RAD51B: variants seen among roughly 807,000 people sequenced by gnomAD.
RAD51B encodes DNA repair protein RAD51 homolog 2.
RAD51B carries 38 observed loss-of-function variants against 42.2 expected under a neutral mutation model. The observed-to-expected ratio is 0.90, with a 90% CI of 0.70 to 1.18. The LOEUF is 1.18. Among genes scored for constraint, RAD51B ranks in the 50% most tolerant of loss-of-function variants. The pLI is 0.00. For synonymous variants in RAD51B, 154 were observed against 145.2 expected (o/e 1.06, Z -0.43); for missense variants, 373 against 400.7 (o/e 0.93, Z 0.59).
At chr14:68,132,126 G>A (rs2077905074) in intron 7 of RAD51B, among the ~76,000 whole-genome samples, 1 of 152,178 alleles carries the variant, frequency 6.6e-6, no homozygotes, top group African/African-American at 2.4e-5. Context: ...GCAACTTTCA[G>A]TGTTTTTGTT....
At chr14:67,940,056 T>TATA (rs1566969343) in intron 7 of RAD51B, among the ~76,000 whole-genome samples, 37 of 8,632 alleles carry the variant, frequency 4.3e-3, no homozygotes, top group East Asian at 0.011. Flanking sequence ...ATATATATAT[T>TATA]TTTTTTTTTT....
intron 7 of RAD51B, among the ~76,000 whole-genome samples, chr14:68,073,004 G>A (rs993433069): frequency 2.0e-5 from 3 of 152,150 alleles, no homozygotes; most frequent in African/African-American, 7.2e-5. Flanking sequence ...GGATGTATAT[G>A]CTGTTTTTGT....
chr14:68,462,440 A>C (rs903624889), intron 9 of RAD51B, among the ~76,000 whole-genome samples: 1 of 152,232 alleles, frequency 6.6e-6, no homozygotes, highest in Non-Finnish European at 1.5e-5. Context: ...AAGTGCATGG[A>C]TGGGTGGGTG....
intron 10 of RAD51B, among the ~76,000 whole-genome samples, chr14:68,580,596 G>A (rs1890168897): frequency 6.6e-6 from 1 of 152,138 alleles, no homozygotes; most frequent in African/African-American, 2.4e-5. Flanking sequence ...CTGTTCCTCA[G>A]TCACCTCCAC....
chr14:68,607,751 GC>G (rs1445356844), intron 10 of RAD51B, among the ~76,000 whole-genome samples: 1 of 152,210 alleles, frequency 6.6e-6, no homozygotes, highest in African/African-American at 2.4e-5. Context: ...GGAGCACACA[GC>G]CCCGGGGAGG....
intron 10 of RAD51B, among the ~76,000 whole-genome samples, chr14:68,517,205 CAAAGA>C (rs113101675): frequency 0.25 from 34,352 of 135,896 alleles, 4,141 homozygotes; most frequent in East Asian, 0.52. Context: ...AGTCATCACA[CAAAGA>C]AAAGAAAGGG....
chr14:68,430,565 A>T (rs1594825995), intron 9 of RAD51B, among the ~76,000 whole-genome samples: 1 of 152,186 alleles, frequency 6.6e-6, no homozygotes, highest in Non-Finnish European at 1.5e-5. Context: ...TTATTGGTGT[A>T]TAAGAATGCT....
intron 9 of RAD51B, among the ~76,000 whole-genome samples, chr14:68,419,429 G>A (rs1387345760): frequency 1.3e-5 from 2 of 148,180 alleles, no homozygotes. Context: ...AACTGTGCAG[G>A]AAAAAAAAAA....
Position 68,477,713 on chromosome 14 carries a change from T to C in RAD51B, c.*49T>C, listed in dbSNP as rs1882812443. Reference sequence around the variant, plus strand: ...GTTGATGGGGGTGTGATTTGTGAAATAAAACAGGACCGTACTGCTTGGAAG... The same window carrying C: ...GTTGATGGGGGTGTGATTTGTGAAACAAAACAGGACCGTACTGCTTGGAAG... On this transcript the variant is annotated 3_prime_UTR_variant, in exon 11 of 11. Transcript: ENST00000471583. 1.2e-6 allele frequency: 2 copies of C among 1,606,470 alleles called. No homozygotes were observed. Among genetic ancestry groups the C allele is most frequent in the Non-Finnish European group, 1.7e-6 (2 of 1,178,026 alleles).
At chr14:68,666,105 C>T (rs1226256987) in intron 11 of RAD51B, among the ~76,000 whole-genome samples, 2 of 152,158 alleles carry the variant, frequency 1.3e-5, no homozygotes, top group Non-Finnish European at 2.9e-5. Context: ...AAACCTGACT[C>T]TGAAGCCAGC....
chr14:68,637,317 G>A (rs1011370707), intron 10 of RAD51B, among the ~76,000 whole-genome samples: 6 of 152,180 alleles, frequency 3.9e-5, no homozygotes, highest in Admixed American at 6.5e-5. Context: ...GGCCTCAAGC[G>A]ATCCTCCCAC....
intron 2 of RAD51B, among the ~76,000 whole-genome samples, 185 bp from the exon 3 acceptor site, chr14:67,825,279 T>C (rs973635959): frequency 5.9e-5 from 9 of 152,162 alleles, no homozygotes; most frequent in Non-Finnish European, 1.5e-5. Context: ...AAGATAAGTT[T>C]GTGTCATTAC....
intron 9 of RAD51B, among the ~76,000 whole-genome samples, chr14:68,460,333 A>C (rs1193099598): frequency 6.6e-6 from 1 of 152,112 alleles, no homozygotes; most frequent in Non-Finnish European, 1.5e-5. Flanking sequence ...GGTGCCTGTA[A>C]TCCCAGCTAC....
chr14:68,541,384 A>G, intron 10 of RAD51B: 1 of 985,446 alleles, frequency 1.0e-6, no homozygotes, highest in African/African-American at 1.7e-5. Context: ...CCTTCCCAGA[A>G]GCACATCTTA....
intron 7 of RAD51B, among the ~76,000 whole-genome samples, chr14:68,212,083 G>A (rs1311169096): frequency 6.6e-6 from 1 of 152,192 alleles, no homozygotes; most frequent in Non-Finnish European, 1.5e-5. Flanking sequence ...TTCGTCAGGG[G>A]AAGGCATCAT....
intron 4 of RAD51B, among the ~76,000 whole-genome samples, chr14:67,848,713 G>A (rs2041706233): frequency 6.6e-6 from 1 of 152,154 alleles, no homozygotes; most frequent in African/African-American, 2.4e-5. Flanking sequence ...TTTTGTGGTA[G>A]CAGGTGTCGT....
intron 8 of RAD51B, among the ~76,000 whole-genome samples, chr14:68,322,516 G>A (rs1419972810): frequency 3.3e-5 from 5 of 152,190 alleles, no homozygotes; most frequent in Admixed American, 3.3e-4. Flanking sequence ...TCATTCATAA[G>A]CTTCTTTTGA....
At chr14:68,390,556 A>G (rs928787915) in intron 8 of RAD51B, among the ~76,000 whole-genome samples, 8 of 152,252 alleles carry the variant, frequency 5.3e-5, no homozygotes, top group African/African-American at 1.9e-4. Context: ...CTCCTCAGAC[A>G]CTGACTGTCT....
chr14:68,201,225 T>C (rs1019983050), intron 7 of RAD51B, among the ~76,000 whole-genome samples: 1 of 152,214 alleles, frequency 6.6e-6, no homozygotes, highest in East Asian at 1.9e-4. Context: ...TTTATAAATA[T>C]AAATGATTTG....
Sources: allele counts gnomAD v4.1 joint callset (sites outside exome capture counted in the v4.1 genomes callset), GRCh38; gene constraint gnomAD v4.1.1; transcripts MANE v1.5; gene names NCBI Gene and HGNC (gene_info 2026-07-23, HGNC 2026-07-21).